NKAIN3: variants seen among roughly 807,000 people sequenced by gnomAD.
NKAIN3 encodes the protein sodium/potassium-transporting ATPase subunit beta-1-interacting protein 3.
NKAIN3 carries 25 observed loss-of-function variants against 30.2 expected under a neutral mutation model. That is an observed-to-expected ratio of 0.83 (90% CI 0.60 to 1.16). NKAIN3 has a LOEUF of 1.16. Ranked by LOEUF, NKAIN3 falls within the 50% of genes most tolerant of loss-of-function variation. NKAIN3 has a pLI of 0.00. For missense variants in NKAIN3, 225 were observed against 254.1 expected, an observed-to-expected ratio of 0.89 and a Z score of 0.78; for synonymous variants, 91 against 89.6, an observed-to-expected ratio of 1.02 and a Z score of -0.09.
At chr8:62,647,436 G>A (rs559350989) in intron 3 of NKAIN3, among the ~76,000 whole-genome samples, 48 of 152,274 alleles carry the variant, frequency 3.2e-4, no homozygotes, top group African/African-American at 1.2e-3. Context: ...ACGGAAAGGA[G>A]AATTCAACAG....
chr8:62,863,568 T>C lies in NKAIN3; in HGVS notation c.472-54885T>C. On this transcript the variant is annotated intron_variant, in intron 4 of 6. Transcript: ENST00000623646. ...TGGTGGCCAAGTACTCCCAAGACCA[T>C]GCAGACATGTATCCCATTCATGCCT... The C allele has an allele frequency of 1.7e-6, 2 of 1,176,008 alleles. 1 individual carries two copies. Among genetic ancestry groups the C allele is most frequent in the South Asian group, 2.4e-5 (2 of 81,754 alleles). The allele number at this position is 1,176,008 out of a possible 1,614,324, so 72.8% of individuals were successfully genotyped here.
chr8:62,729,911 A>G (rs568140004), intron 3 of NKAIN3, among the ~76,000 whole-genome samples: 1 of 152,196 alleles, frequency 6.6e-6, no homozygotes, highest in South Asian at 2.1e-4. Context: ...AAATGCAGAG[A>G]GTTAAATTGC....
rs113434022 is a variant in NKAIN3, at chr8:62,834,614, C to T, written c.472-83839C>T. Among the ~76,000 whole-genome samples the T allele has an allele frequency of 3.5e-3, 537 of 151,960 alleles. 5 individuals carry two copies. The highest frequency in any genetic ancestry group is 0.011 in the African/African-American group (454 of 41,514). ...CACACACCACAAATACCTAGGAATA[C>T]ATCTAACCAAGGAAGTGAAAAGATC... On this transcript the variant is annotated intron_variant, in intron 4 of 6. Coordinates refer to ENST00000623646, the MANE Select transcript of NKAIN3 (RefSeq NM_001304533.3).
chr8:62,515,889 T>C (rs1807969922), intron 1 of NKAIN3, among the ~76,000 whole-genome samples: 1 of 152,138 alleles, frequency 6.6e-6, no homozygotes, highest in Non-Finnish European at 1.5e-5. Flanking sequence ...TTTAAATTAC[T>C]TGCTTATTTT....
intron 3 of NKAIN3, among the ~76,000 whole-genome samples, chr8:62,671,551 T>C (rs989980814): frequency 6.6e-6 from 1 of 152,192 alleles, no homozygotes; most frequent in Non-Finnish European, 1.5e-5. Context: ...TAGATTTTTA[T>C]TTTTAAAATG....
chr8:62,949,075 A>G (rs1823207050), intron 5 of NKAIN3, among the ~76,000 whole-genome samples: 1 of 152,218 alleles, frequency 6.6e-6, no homozygotes, highest in African/African-American at 2.4e-5. Context: ...CTCTCCCCAT[A>G]GCCCCTGGAG....
chr8:62,251,661 A>G (rs952059415), intron 1 of NKAIN3, among the ~76,000 whole-genome samples: 1 of 152,186 alleles, frequency 6.6e-6, no homozygotes, highest in African/African-American at 2.4e-5. Context: ...TGTAATGTCT[A>G]TAGACATGAC....
intron 1 of NKAIN3, among the ~76,000 whole-genome samples, chr8:62,478,222 T>G (rs1585852420): frequency 6.6e-6 from 1 of 152,154 alleles, no homozygotes; most frequent in East Asian, 1.9e-4. Flanking sequence ...GTTAATCAAC[T>G]GGTAACTAGT....
At chr8:62,814,741 G>C (rs1271575133) in intron 4 of NKAIN3, among the ~76,000 whole-genome samples, 1 of 151,958 alleles carries the variant, frequency 6.6e-6, no homozygotes, top group Non-Finnish European at 1.5e-5. Context: ...AGTGTGTAGA[G>C]GGAAATTTAT....
intron 4 of NKAIN3, among the ~76,000 whole-genome samples, chr8:62,893,668 ACACATATG>A (rs1240899971): frequency 8.0e-6 from 1 of 125,104 alleles, no homozygotes; most frequent in Non-Finnish European, 1.8e-5. Context: ...GTGTGCGTGC[ACACATATG>A]CACATATGCA....
At chr8:62,813,761 G>A (rs1002461527) in intron 4 of NKAIN3, among the ~76,000 whole-genome samples, 101 of 151,722 alleles carry the variant, frequency 6.7e-4, no homozygotes, top group Non-Finnish European at 2.2e-4. Context: ...TCATAACTGG[G>A]CACGTTTTCA....
Position 62,522,363 on chromosome 8 carries a change from TG to T in NKAIN3, c.55-57175del, listed in dbSNP as rs1400748314. 7.9e-5 allele frequency among the ~76,000 whole-genome samples: 12 copies of T among 152,320 alleles called. No individual in the cohort carries two copies. In the East Asian group the frequency reaches 2.3e-3, roughly 29 times the overall value. ...ATATGAAAGTATAGCTATACAATTA[TG>T]TACAGCAAAAATACTTGATAATGAT... On this transcript the variant is annotated intron_variant, in intron 1 of 6. Coordinates refer to ENST00000623646, the MANE Select transcript of NKAIN3 (RefSeq NM_001304533.3).
intron 4 of NKAIN3, among the ~76,000 whole-genome samples, chr8:62,854,368 T>C (rs1819999387): frequency 2.0e-5 from 3 of 152,246 alleles, no homozygotes; most frequent in African/African-American, 7.2e-5. Context: ...ACTTGCTTTA[T>C]GCATCTGGGT....
At chr8:62,903,891 C>T (rs1162822983) in intron 4 of NKAIN3, among the ~76,000 whole-genome samples, 1 of 152,098 alleles carries the variant, frequency 6.6e-6, no homozygotes, top group Non-Finnish European at 1.5e-5. Flanking sequence ...AACTCACTCA[C>T]TATCATGAGA....
chr8:62,445,290 A>T (rs915777701), intron 1 of NKAIN3, among the ~76,000 whole-genome samples: 2 of 148,532 alleles, frequency 1.3e-5, no homozygotes, highest in African/African-American at 4.9e-5. Flanking sequence ...TCTTTTCCAT[A>T]TACCTGTTGG....
chr8:62,254,555 A>T (rs541435164), intron 1 of NKAIN3, among the ~76,000 whole-genome samples: 1 of 152,328 alleles, frequency 6.6e-6, no homozygotes, highest in East Asian at 1.9e-4. Flanking sequence ...AACACAAAAA[A>T]CATAGAGCTG....
intron 1 of NKAIN3, among the ~76,000 whole-genome samples, chr8:62,425,179 C>G (rs1472075365): frequency 6.6e-6 from 1 of 151,634 alleles, no homozygotes; most frequent in South Asian, 2.1e-4. Flanking sequence ...TTCAGTTAGG[C>G]AAGATTAACT....
chr8:62,628,541 T>A (rs1811857335), intron 3 of NKAIN3, among the ~76,000 whole-genome samples: 1 of 152,180 alleles, frequency 6.6e-6, no homozygotes, highest in African/African-American at 2.4e-5. Context: ...TACTTCTTAT[T>A]ATACAATGCT....
chr8:62,761,264 G>A (rs1390711640), intron 4 of NKAIN3, among the ~76,000 whole-genome samples: 1 of 151,990 alleles, frequency 6.6e-6, no homozygotes, highest in Non-Finnish European at 1.5e-5. Flanking sequence ...ATGACAGCAT[G>A]TGTTGTGTGC....
Sources: gnomAD v4.1 joint callset for allele counts (sites outside exome capture counted in the v4.1 genomes callset) on GRCh38, gnomAD v4.1.1 for gene constraint, MANE v1.5 for transcripts, NCBI Gene and HGNC (gene_info 2026-07-23, HGNC 2026-07-21) for gene names.